The following WNK3 variants were observed in gnomAD, a reference collection of about 807,000 sequenced individuals.
WNK3 encodes serine/threonine-protein kinase WNK3.
WNK3 carries 18 observed loss-of-function variants against 116.7 expected under a neutral mutation model. That is an observed-to-expected ratio of 0.15 (90% CI 0.11 to 0.23). The LOEUF is 0.23. Among genes scored for constraint, WNK3 ranks in the 10% least tolerant of loss-of-function variants. The pLI is 1.00. For missense variants in WNK3, 993 were observed against 1,323.8 expected (o/e 0.75, Z 3.88); for synonymous variants, 404 against 469.4 (o/e 0.86, Z 1.80).
chrX:54,286,203 AC>A (rs1448877282), intron 10 of WNK3, among the ~76,000 whole-genome samples: 2 of 109,188 alleles, frequency 1.8e-5, no homozygotes, highest in Non-Finnish European at 3.8e-5. Flanking sequence ...AAACAAACAA[AC>A]AAAAAAAAAA....
At chrX:54,223,030 G>A (rs2067789403) in intron 22 of WNK3, among the ~76,000 whole-genome samples, 1 of 102,566 alleles carries the variant, frequency 9.7e-6, no homozygotes, top group Non-Finnish European at 2.0e-5. Context: ...AGAGGATGAG[G>A]AAAAAAAGAA....
chrX:54,277,949 C>T lies in WNK3; in HGVS notation c.2037+14939G>A, dbSNP rs187214800. Among the ~76,000 whole-genome samples the T allele has an allele frequency of 4.0e-3, 440 of 109,417 alleles. 12 individuals are homozygous for T. The highest frequency in any genetic ancestry group is 3.6e-3 in the Non-Finnish European group (192 of 52,631). On this transcript the variant is annotated intron_variant, in intron 10 of 23. Transcript: ENST00000354646. ...CTCCACTAAAAGTACAAAAATTAGC[C>T]GGGCATGGTGGCATGCACCTGTAGT...
intron 8 of WNK3, 103 bp downstream of exon 8, chrX:54,294,450 A>T (rs782362017): frequency 6.3e-6 from 4 of 633,647 alleles, no homozygotes; most frequent in Non-Finnish European, 9.0e-6. Flanking sequence ...TACAAAAAGG[A>T]AAAGAAACAA....
intron 20 of WNK3, among the ~76,000 whole-genome samples, chrX:54,236,000 C>G (rs959253947): frequency 8.9e-6 from 1 of 112,172 alleles, no homozygotes; most frequent in Non-Finnish European, 1.9e-5. Flanking sequence ...AGGAGAGAAC[C>G]TGGATAGTTC....
intron 1 of WNK3, among the ~76,000 whole-genome samples, chrX:54,337,488 G>A (rs1557175597): frequency 9.2e-6 from 1 of 108,524 alleles, no homozygotes; most frequent in Admixed American, 1.0e-4. Context: ...GAACCCGGGA[G>A]GCAGAGGTTG....
At chrX:54,252,473 C>T (rs1310101793) in intron 13 of WNK3, among the ~76,000 whole-genome samples, 1 of 110,525 alleles carries the variant, frequency 9.0e-6, no homozygotes, top group African/African-American at 3.3e-5. Flanking sequence ...AGTTCGAGAC[C>T]AGCCTGGTCA....
chrX:54,264,447 C>T (rs1033224797), intron 10 of WNK3, among the ~76,000 whole-genome samples: 6 of 109,974 alleles, frequency 5.5e-5, no homozygotes, highest in African/African-American at 1.3e-4. Flanking sequence ...ATTACAGGTA[C>T]GAGCCACCGT....
chrX:54,226,714 G>A (rs1280604114), intron 22 of WNK3, among the ~76,000 whole-genome samples: 6 of 104,422 alleles, frequency 5.7e-5, no homozygotes, highest in African/African-American at 1.4e-4. Flanking sequence ...GGTGCCACGC[G>A]CCTGTGTCCC....
intron 22 of WNK3, among the ~76,000 whole-genome samples, chrX:54,204,136 T>C (rs1459172070): frequency 9.0e-6 from 1 of 111,609 alleles, no homozygotes; most frequent in Non-Finnish European, 1.9e-5. Context: ...TTGTTTGTTT[T>C]TGAGACAGAG....
chrX:54,311,975 A>G (rs2068891681), intron 2 of WNK3, among the ~76,000 whole-genome samples: 1 of 111,016 alleles, frequency 9.0e-6, no homozygotes, highest in South Asian at 3.9e-4. Flanking sequence ...ACCGTCTCTG[A>G]CCATATTACT....
chrX:54,278,063 C>T (rs1222090900), intron 10 of WNK3, among the ~76,000 whole-genome samples: 2 of 104,574 alleles, frequency 1.9e-5, no homozygotes, highest in African/African-American at 7.0e-5. Context: ...CACTGAACTC[C>T]AGCCTAGGCA....
intron 13 of WNK3, 74 bp downstream of exon 13, chrX:54,253,885 T>TAAATGGAGACAGAATTATAGGGG (rs2068162810): frequency 5.5e-6 from 4 of 726,233 alleles, no homozygotes; most frequent in Non-Finnish European, 8.2e-6. Flanking sequence ...TGGCTCAAAA[T>TAAATGGAGACAGAATTATAGGGG]AAATGGAGAC....
intron 2 of WNK3, among the ~76,000 whole-genome samples, chrX:54,319,020 C>T (rs938985430): frequency 9.2e-6 from 1 of 108,794 alleles, no homozygotes; most frequent in Non-Finnish European, 1.9e-5. Flanking sequence ...TCAGGCGATC[C>T]GCCCACCTCG....
chrX:54,239,176 G>T, intron 17 of WNK3, 77 bp from the exon 18 acceptor site: 5 of 615,761 alleles, frequency 8.1e-6, no homozygotes, highest in East Asian at 4.2e-5. Context: ...AACCAAAGTG[G>T]TAATAATTTA....
intron 10 of WNK3, among the ~76,000 whole-genome samples, chrX:54,270,220 C>T (rs995105795): frequency 9.1e-6 from 1 of 109,739 alleles, no homozygotes; most frequent in Non-Finnish European, 1.9e-5. Context: ...ATTATCCTGC[C>T]TCAGCCTCCT....
intron 2 of WNK3, among the ~76,000 whole-genome samples, chrX:54,316,176 A>T (rs1367525628): frequency 2.7e-5 from 3 of 111,019 alleles, no homozygotes; most frequent in African/African-American, 6.5e-5. Context: ...ATGTGACTGT[A>T]TTTGGAGACG....
intron 22 of WNK3, among the ~76,000 whole-genome samples, chrX:54,210,101 C>A (rs782800708): frequency 1.8e-5 from 2 of 110,993 alleles, no homozygotes; most frequent in Admixed American, 1.9e-4. Context: ...CAATCTTGGC[C>A]AAATGGGAAA....
intron 23 of WNK3, among the ~76,000 whole-genome samples, chrX:54,199,615 G>A (rs189073417): frequency 9.0e-6 from 1 of 111,677 alleles, no homozygotes; most frequent in Non-Finnish European, 1.9e-5. Context: ...GGGTGGATCA[G>A]CTGAGGTCAG....
intron 10 of WNK3, among the ~76,000 whole-genome samples, chrX:54,283,356 A>T (rs954379340): frequency 3.6e-4 from 40 of 112,382 alleles, no homozygotes; most frequent in Non-Finnish European, 6.4e-4. Flanking sequence ...ATAATAAAAG[A>T]AGATACATGA....
Sources: allele counts gnomAD v4.1 joint callset (sites outside exome capture counted in the v4.1 genomes callset), GRCh38; gene constraint gnomAD v4.1.1; transcripts MANE v1.5; gene names NCBI Gene and HGNC (gene_info 2026-07-23, HGNC 2026-07-21).